Variants in TTBK2 observed in about 807,000 individuals in gnomAD.
TTBK2 encodes the protein tau-tubulin kinase 2.
Under a neutral mutation model 110.8 loss-of-function variants are expected in TTBK2, and 28 were observed. The observed-to-expected ratio is 0.25, with a 90% CI of 0.19 to 0.35. TTBK2 has a LOEUF of 0.35. Among genes scored for constraint, TTBK2 ranks in the 10% least tolerant of loss-of-function variants. The pLI, the probability that TTBK2 is intolerant of heterozygous loss-of-function variation, is 1.00. For missense variants in TTBK2, 1,369 were observed against 1,500.3 expected (o/e 0.91, Z 1.45); for synonymous variants, 532 against 527.3 (o/e 1.01, Z -0.12).
At chr15:42,753,958 A>G (rs760322818) in intron 13 of TTBK2, among the ~76,000 whole-genome samples, 3 of 152,204 alleles carry the variant, frequency 2.0e-5, no homozygotes, top group Non-Finnish European at 4.4e-5. Context: ...TTGTTCATTG[A>G]AAAACTCCAA....
intron 3 of TTBK2, among the ~76,000 whole-genome samples, chr15:42,852,959 A>G (rs1402038878): frequency 1.3e-5 from 2 of 152,228 alleles, no homozygotes; most frequent in East Asian, 1.9e-4. Flanking sequence ...GTATGTAACT[A>G]TTATGCCCTC....
chr15:42,791,630 T>C (rs922058892), intron 10 of TTBK2, among the ~76,000 whole-genome samples: 1 of 152,210 alleles, frequency 6.6e-6, no homozygotes, highest in Non-Finnish European at 1.5e-5. Flanking sequence ...TTCAATCAAT[T>C]ATGATTTCAT....
Position 42,753,006 on chromosome 15 carries a change from T to C in TTBK2, c.2240A>G (p.Glu747Gly). ...IGHDMLPNIR[E>G]SNKSQDLGPK... ...TCCCAGGTCTTGAGATTTGTTACTT[T>C]CTCTAATGTTGGGTAACATGTCATG... Residue 747 changes from glutamate (E) to glycine (G), a missense_variant, in exon 14 of 15, where the codon GAA (glutamate) becomes GGA (glycine). Physicochemically the swap from Glu to Gly is moderately conservative, Grantham distance 98. This residue lies in a region of TTBK2 where 1,097 missense variants were observed against 1,114.7 expected (regional missense o/e 0.98). Coordinates refer to ENST00000267890, the MANE Select transcript of TTBK2 (RefSeq NM_173500.4). 6.2e-7 allele frequency: 1 copy of C among 1,614,172 alleles called. No homozygotes were observed. Among genetic ancestry groups the C allele is most frequent in the Non-Finnish European group, 8.5e-7 (1 of 1,180,040 alleles).
At position 42,872,699 on chromosome 15, in the gene TTBK2, G is replaced by A; in HGVS notation, c.129C>T (p.Thr43=). ...GEIYDALDML[T]RENVALKVES... is the part of the protein sequence containing the mutation. Reference sequence around the variant, plus strand: ...CCACCTTCAGTGCAACATTTTCCCTGGTGAGCATGTCCAAGGCATCGTAAA... The same window carrying A: ...CCACCTTCAGTGCAACATTTTCCCTAGTGAGCATGTCCAAGGCATCGTAAA... The change falls in exon 3 of 15, where the codon ACC becomes ACT. Residue 43 remains threonine (T), a synonymous_variant. Transcript: ENST00000267890. The A allele has an allele frequency of 1.9e-6, 3 of 1,614,022 alleles. No homozygotes were observed. The highest frequency in any genetic ancestry group is 2.5e-6 in the Non-Finnish European group (3 of 1,180,000).
rs1566996261 is a variant in TTBK2, at chr15:42,745,996, C to G, written c.3534G>C (p.Gln1178His). Residue 1178 changes from glutamine (Q) to histidine (H), a missense_variant, in exon 15 of 15, where the codon CAG becomes CAC. By Grantham distance (24) the Gln-to-His change is conservative (BLOSUM62 0). Around this residue, in one of 4 missense-constraint regions of TTBK2, gnomAD observed 1,097 missense variants for 1,114.7 expected, o/e 0.98. Coordinates refer to ENST00000267890, the MANE Select transcript of TTBK2 (RefSeq NM_173500.4). The part of the protein sequence containing the change: ...PSRAGRPHHD[Q>H]RSSSPHLGRS... ...TCCCCAGATGTGGGGACGAACTCCT[C>G]TGGTCATGGTGGGGCCGTCCAGCCC... is the stretch of plus-strand genomic sequence containing the variant. 3 of 1,614,090 alleles carry G rather than the reference C, an allele frequency of 1.9e-6. No homozygotes were observed. The highest frequency in any genetic ancestry group is 1.7e-6 in the Non-Finnish European group (2 of 1,180,006).
chr15:42,826,159 A>G (rs1595954528), intron 6 of TTBK2, among the ~76,000 whole-genome samples: 1 of 152,324 alleles, frequency 6.6e-6, no homozygotes, highest in African/African-American at 2.4e-5. Context: ...AAACAAATCT[A>G]CAATGGGAAC....
intron 3 of TTBK2, among the ~76,000 whole-genome samples, chr15:42,845,808 T>C (rs576675322): frequency 1.2e-4 from 19 of 152,220 alleles, no homozygotes; most frequent in South Asian, 4.1e-4. Flanking sequence ...TACAAAAACC[T>C]AGATGGTCTA....
intron 1 of TTBK2, among the ~76,000 whole-genome samples, chr15:42,881,361 AC>A (rs1224533324): frequency 2.0e-5 from 3 of 151,180 alleles, no homozygotes; most frequent in Non-Finnish European, 2.9e-5. Context: ...AAAAAAAAAA[AC>A]CTTTTAATGT....
intron 13 of TTBK2, among the ~76,000 whole-genome samples, chr15:42,770,195 T>C (rs890609614): frequency 2.0e-5 from 3 of 152,054 alleles, no homozygotes; most frequent in Non-Finnish European, 2.9e-5. Context: ...TGTATACCTA[T>C]GTAACAAACC....
intron 13 of TTBK2, among the ~76,000 whole-genome samples, chr15:42,763,131 CATATATACATACATATAT>C (rs2062061922): frequency 5.5e-4 from 33 of 59,846 alleles, no homozygotes; most frequent in Non-Finnish European, 8.2e-4. Context: ...CATATATATA[CATATATACATACATATAT>C]ATATATACAT....
intron 3 of TTBK2, among the ~76,000 whole-genome samples, chr15:42,860,991 C>A (rs1422927701): frequency 6.6e-6 from 1 of 151,988 alleles, no homozygotes. Context: ...GAATTTAAAC[C>A]AACAACAATC....
At chr15:42,776,362 C>G (rs939841440) in intron 12 of TTBK2, among the ~76,000 whole-genome samples, 1 of 152,228 alleles carries the variant, frequency 6.6e-6, no homozygotes, top group African/African-American at 2.4e-5. Context: ...TTCTATAATT[C>G]ATAAATATAT....
chr15:42,826,958 T>A (rs1403932107), intron 6 of TTBK2, among the ~76,000 whole-genome samples: 2 of 152,124 alleles, frequency 1.3e-5, no homozygotes, highest in Non-Finnish European at 2.9e-5. Flanking sequence ...GTCAGAACAA[T>A]GATCAAACAC....
In TTBK2 at chr15:42,745,774, C is replaced by G. The variant is rs1436310853; in HGVS notation, c.*21G>C. On this transcript the variant is annotated 3_prime_UTR_variant, in exon 15 of 15. Coordinates refer to ENST00000267890, the MANE Select transcript of TTBK2 (RefSeq NM_173500.4). Reference sequence around the variant, plus strand: ...TTTAGGAGGAAGATCTCACACCTTTCAAAGAGATGCAGCCTGGCTCCTATC... The same window carrying G: ...TTTAGGAGGAAGATCTCACACCTTTGAAAGAGATGCAGCCTGGCTCCTATC... 2 of 1,613,488 alleles carry G rather than the reference C, an allele frequency of 1.2e-6. No individual in the cohort carries two copies. The highest frequency in any genetic ancestry group is 1.7e-6 in the Non-Finnish European group (2 of 1,179,906).
At chr15:42,894,759 AAAAC>A (rs1000747384) in intron 1 of TTBK2, among the ~76,000 whole-genome samples, 5 of 152,168 alleles carry the variant, frequency 3.3e-5, no homozygotes, top group Non-Finnish European at 7.4e-5. Flanking sequence ...TCTCAAAAAG[AAAAC>A]AAAAAATAAG....
intron 9 of TTBK2, among the ~76,000 whole-genome samples, chr15:42,805,525 G>A (rs879726634): frequency 1.3e-5 from 2 of 152,158 alleles, no homozygotes; most frequent in African/African-American, 2.4e-5. Flanking sequence ...TGACTGCATC[G>A]AGGGGTCTAA....
intron 3 of TTBK2, among the ~76,000 whole-genome samples, chr15:42,870,408 G>C (rs1894569572): frequency 6.6e-6 from 1 of 151,986 alleles, no homozygotes; most frequent in Non-Finnish European, 1.5e-5. Context: ...AGAAAATCTA[G>C]GGTTGTTAAG....
intron 5 of TTBK2, among the ~76,000 whole-genome samples, chr15:42,828,676 T>C (rs1363225508): frequency 6.6e-6 from 1 of 150,454 alleles, no homozygotes; most frequent in African/African-American, 2.5e-5. Flanking sequence ...TGAGTTGAGA[T>C]TGCGCCACGG....
chr15:42,752,900 G>C lies in TTBK2; in HGVS notation c.2346C>G (p.Ile782Met), dbSNP rs764217797. The C allele has an allele frequency of 6.2e-7, 1 of 1,614,124 alleles. No individual in the cohort carries two copies. The highest frequency in any genetic ancestry group is 2.2e-5 in the East Asian group (1 of 44,874). ...NLPGETEEKS[I>M]LLESDNEDEK... ...CATCTTCATTATCTGACTCTAAAAGGATGCTTTTCTCTTCAGTTTCCCCAG... is the reference window on the plus strand; with the variant it reads ...CATCTTCATTATCTGACTCTAAAAGCATGCTTTTCTCTTCAGTTTCCCCAG... The change falls in exon 14 of 15, where the codon ATC becomes ATG. Residue 782 changes from isoleucine (I) to methionine (M), a missense_variant. Ile to Met is a conservative substitution (Grantham distance 10). This residue lies in a region of TTBK2 where 1,097 missense variants were observed against 1,114.7 expected (regional missense o/e 0.98). Transcript: ENST00000267890.
Sources: gnomAD v4.1 joint callset for allele counts (sites outside exome capture counted in the v4.1 genomes callset) on GRCh38, gnomAD v4.1.1 for gene constraint, gnomAD v4.1.1 regional missense constraint, MANE v1.5 for transcripts, NCBI Gene and HGNC (gene_info 2026-07-23, HGNC 2026-07-21) for gene names.